ARHGEF10L: variants seen among roughly 807,000 people sequenced by gnomAD.
ARHGEF10L encodes Rho guanine nucleotide exchange factor 10 like, also known as rho guanine nucleotide exchange factor 10-like protein.
Under a neutral mutation model 141.2 loss-of-function variants are expected in ARHGEF10L, and 69 were observed. That is an observed-to-expected ratio of 0.49 (90% CI 0.40 to 0.60). The LOEUF is 0.60. ARHGEF10L is among the 20% of genes least tolerant of loss of function. The probability of loss-of-function intolerance (pLI) is 0.00; values close to 1 mark genes in which losing one functional copy is unlikely to be tolerated. For synonymous variants in ARHGEF10L, 711 were observed against 718.5 expected, an observed-to-expected ratio of 0.99 and a Z score of 0.17; for missense variants, 1,482 against 1,734.3, an observed-to-expected ratio of 0.85 and a Z score of 2.58.
At chr1:17,534,140 T>G in the ARHGEF10L span, among the ~76,000 whole-genome samples, 1 of 152,006 alleles carries the variant, frequency 6.6e-6, no homozygotes, top group Non-Finnish European at 1.5e-5. Context: ...TTTTTTTTTT[T>G]GAGACGGAGT....
At chr1:17,674,292 T>C (rs1012432592) in intron 26 of ARHGEF10L, among the ~76,000 whole-genome samples, 2 of 152,154 alleles carry the variant, frequency 1.3e-5, no homozygotes, top group African/African-American at 2.4e-5. Flanking sequence ...TGGGCCCTGA[T>C]TGGGGCTGCT....
intron 4 of ARHGEF10L, among the ~76,000 whole-genome samples, chr1:17,597,792 G>A (rs1299199581): frequency 2.6e-5 from 4 of 152,124 alleles, no homozygotes; most frequent in Non-Finnish European, 4.4e-5. Flanking sequence ...TGGGCTGGTC[G>A]CTCACTGGGT....
chr1:17,567,755 T>C (rs112982109), intron 1 of ARHGEF10L, among the ~76,000 whole-genome samples: 13 of 152,264 alleles, frequency 8.5e-5, no homozygotes, highest in African/African-American at 2.4e-4. Flanking sequence ...GCTTGAAGGG[T>C]CCATGTCTGC....
intron 22 of ARHGEF10L, among the ~76,000 whole-genome samples, chr1:17,653,000 T>G (rs563484904): frequency 6.6e-6 from 1 of 152,288 alleles, no homozygotes; most frequent in Non-Finnish European, 1.5e-5. Flanking sequence ...CCTCATAGCC[T>G]TGCTCTGATG....
chr1:17,515,714 C>T, the ARHGEF10L span, among the ~76,000 whole-genome samples: 1 of 151,876 alleles, frequency 6.6e-6, no homozygotes, highest in African/African-American at 2.4e-5. Context: ...ACAATCATGG[C>T]TTATTGCAAC....
chr1:17,554,583 C>CT (rs970778480), intron 1 of ARHGEF10L, among the ~76,000 whole-genome samples: 4,430 of 122,308 alleles, frequency 0.036, 203 homozygotes, highest in African/African-American at 0.08. Context: ...TCCTTCCTTC[C>CT]TTTTTTTTTT....
chr1:17,563,589 T>A (rs1031185976), intron 1 of ARHGEF10L, among the ~76,000 whole-genome samples: 11 of 152,188 alleles, frequency 7.2e-5, no homozygotes, highest in African/African-American at 2.7e-4. Flanking sequence ...GAACAGGACT[T>A]GGCTCATGGA....
chr1:17,697,046 A>C lies in ARHGEF10L; in HGVS notation c.3506A>C (p.Lys1169Thr), dbSNP rs1265059704. Residue 1169 changes from lysine (K) to threonine (T), a missense_variant, in exon 29 of 29, where the codon AAG becomes ACG. Transcript: ENST00000361221. This position sits in a 1 kb window ranked among gnomAD's most constrained non-coding sequence, Gnocchi z 4.8. ...GTGGGCCGAGAGCTGACCCGCAAGA[A>C]GGGCATCCTCTTGCAGTACCGCCTG... is the stretch of plus-strand genomic sequence containing the variant. The part of the protein sequence containing the change: ...SHVGRELTRK[K>T]GILLQYRLRS... 2 of 1,604,260 alleles carry C rather than the reference A, an allele frequency of 1.2e-6. No individual in the cohort carries two copies. The highest frequency in any genetic ancestry group is 1.7e-5 in the Admixed American group (1 of 59,438).
At chr1:17,651,145 C>G (rs111772416) in intron 22 of ARHGEF10L, among the ~76,000 whole-genome samples, 4 of 152,150 alleles carry the variant, frequency 2.6e-5, no homozygotes, top group African/African-American at 4.8e-5. Flanking sequence ...TACTCTCTCT[C>G]TATATATATA....
rs569699971 is a variant in ARHGEF10L, at chr1:17,592,155, C to T, written c.257+3676C>T. On this transcript the variant is annotated intron_variant, in intron 4 of 28. Transcript: ENST00000361221. Reference sequence around the variant, plus strand: ...CCCAGCAGTGCCTGGGAAACGTGAGCGCCACAGATCGCTGGCTTCCTGTGT... The same window carrying T: ...CCCAGCAGTGCCTGGGAAACGTGAGTGCCACAGATCGCTGGCTTCCTGTGT... Among the ~76,000 whole-genome samples the T allele has an allele frequency of 1.3e-4, 20 of 152,306 alleles. No homozygotes were observed. In the South Asian group the frequency reaches 2.3e-3, roughly 17 times the overall value.
At position 17,656,994 on chromosome 1, in the gene ARHGEF10L, C is replaced by A. The variant is rs2062303524; in HGVS notation, c.2860+286C>A. Among the ~76,000 whole-genome samples the A allele has an allele frequency of 6.6e-6, 1 of 152,144 alleles. No individual in the cohort carries two copies. Among genetic ancestry groups the A allele is most frequent in the African/African-American group, 2.4e-5 (1 of 41,432 alleles). Reference sequence around the variant, plus strand: ...TCGCAGGTTGGAGAGACCTGGCTTCCCGTTCAGGCTTTGCCCGATGACAGC... The same window carrying A: ...TCGCAGGTTGGAGAGACCTGGCTTCACGTTCAGGCTTTGCCCGATGACAGC... On this transcript the variant is annotated intron_variant, in intron 25 of 28. Transcript: ENST00000361221. This position sits in a 1 kb window ranked among gnomAD's most constrained non-coding sequence, Gnocchi z 4.9.
Position 17,575,704 on chromosome 1 carries a change from C to T in ARHGEF10L, c.-43-4849C>T, listed in dbSNP as rs559981900. On this transcript the variant is annotated intron_variant, in intron 1 of 28. Coordinates refer to ENST00000361221, the MANE Select transcript of ARHGEF10L (RefSeq NM_018125.4). ...TAAGGTGATGTGACAGGTGTGTTTG[C>T]GGAGTGTCTCTGTGGCAGCGGAGGT... Among the ~76,000 whole-genome samples, 379 of 152,246 alleles carry T rather than the reference C, an allele frequency of 2.5e-3. 1 individual carries two copies. Among genetic ancestry groups the T allele is most frequent in the African/African-American group, 7.8e-3 (323 of 41,550 alleles).
At chr1:17,670,015 G>A (rs977489515) in intron 26 of ARHGEF10L, among the ~76,000 whole-genome samples, 5 of 152,260 alleles carry the variant, frequency 3.3e-5, no homozygotes, top group Non-Finnish European at 7.3e-5. Flanking sequence ...CAGGATCCCC[G>A]AGCTCGGCTA....
rs769005089 is a variant in ARHGEF10L at position 17,613,122 on chromosome 1, T to A, written c.674T>A (p.Leu225Ter). The change falls in exon 8 of 29, where the codon TTG becomes TAG. Residue 225 changes from leucine to a stop codon, truncating the protein, a stop_gained. Transcript: ENST00000361221. LOFTEE classifies it high-confidence loss of function. ...AGGACTAAGAGAGACATCTTGGCTT[T>A]GAGAGTTGGGGGGAGAGACATGCAG... ...YARTKRDILA[L>*]RVGGRDMQEL... is the part of the protein sequence containing the mutation. 1.2e-6 allele frequency: 2 copies of A among 1,614,038 alleles called. No homozygotes were observed. The highest frequency in any genetic ancestry group is 2.2e-5 in the South Asian group (2 of 91,036).
chr1:17,613,941 C>G (rs886654828), intron 8 of ARHGEF10L, among the ~76,000 whole-genome samples: 1 of 152,254 alleles, frequency 6.6e-6, no homozygotes, highest in Non-Finnish European at 1.5e-5. Flanking sequence ...GGTCAACGAT[C>G]AGGCCTCTTG....
chr1:17,630,661 C>T (rs1478579595), intron 15 of ARHGEF10L, among the ~76,000 whole-genome samples: 7 of 152,180 alleles, frequency 4.6e-5, no homozygotes, highest in Non-Finnish European at 8.8e-5. Flanking sequence ...TGGGTCTCAG[C>T]GAGTCACTTT....
intron 1 of ARHGEF10L, among the ~76,000 whole-genome samples, chr1:17,546,753 C>T (rs1174660250): frequency 6.6e-6 from 1 of 152,146 alleles, no homozygotes; most frequent in African/African-American, 2.4e-5. Context: ...GGTTTGTTAC[C>T]TTGTGGCTCA....
chr1:17,611,778 G>T (rs1259555033), intron 7 of ARHGEF10L, among the ~76,000 whole-genome samples: 1 of 152,224 alleles, frequency 6.6e-6, no homozygotes, highest in Non-Finnish European at 1.5e-5. Flanking sequence ...TCTCTAGCTA[G>T]TAAGCAGAGA....
the ARHGEF10L span, among the ~76,000 whole-genome samples, chr1:17,520,310 G>C: frequency 6.6e-6 from 1 of 152,142 alleles, no homozygotes; most frequent in African/African-American, 2.4e-5. Context: ...GCTCTGTGTG[G>C]GCCCAGCCCG....
Sources: gnomAD v4.1 joint callset for allele counts (sites outside exome capture counted in the v4.1 genomes callset) on GRCh38, gnomAD v4.1.1 for gene constraint, Gnocchi (gnomAD v3.1) non-coding constraint, MANE v1.5 for transcripts, NCBI Gene and HGNC (gene_info 2026-07-23, HGNC 2026-07-21) for gene names.